ELK3: variants seen among roughly 807,000 people sequenced by gnomAD.
ELK3 encodes the protein ETS transcription factor ELK3.
ELK3 carries 10 observed loss-of-function variants against 28.9 expected under a neutral mutation model. The ratio of observed to expected loss-of-function variants is 0.35; its 90% CI spans 0.21 to 0.59. The LOEUF (loss-of-function observed/expected upper bound fraction) is 0.59, where lower values mean the gene tolerates loss of function less well. Ranked by LOEUF, ELK3 falls within the 20% of genes least tolerant of loss-of-function variation. ELK3 has a pLI of 0.82. For synonymous variants in ELK3, 272 were observed against 243.5 expected (o/e 1.12, Z -1.09); for missense variants, 463 against 517.3 (o/e 0.90, Z 1.02).
At chr12:96,250,310 C>G (rs891347769) in intron 3 of ELK3, among the ~76,000 whole-genome samples, 5 of 152,162 alleles carry the variant, frequency 3.3e-5, no homozygotes, top group Non-Finnish European at 5.9e-5. Context: ...AGGGAGACAC[C>G]AGAGGGGCCC....
chr12:96,234,115 G>A (rs1951762776), intron 2 of ELK3, among the ~76,000 whole-genome samples: 1 of 152,204 alleles, frequency 6.6e-6, no homozygotes, highest in African/African-American at 2.4e-5. Flanking sequence ...TGGTATCAGG[G>A]GACCAGGCTG....
chr12:96,254,806 T>A (rs2137038598), intron 3 of ELK3, among the ~76,000 whole-genome samples: 1 of 152,192 alleles, frequency 6.6e-6, no homozygotes. Flanking sequence ...TCCAGAGGGC[T>A]TCCTGGAGGG....
Position 96,267,912 on chromosome 12 carries a change from T to A in ELK3, c.*732T>A, listed in dbSNP as rs532134047. On this transcript the variant is annotated 3_prime_UTR_variant, in exon 5 of 5. Transcript: ENST00000228741. The stretch of plus-strand genomic sequence containing the variant: ...CTCCTTAGCTGTTTACAGTATCTTA[T>A]CTTTTAGATGCCTCCCAGACAAAAA... 5 of 152,604 alleles carry A rather than the reference T, an allele frequency of 3.3e-5. No individual in the cohort carries two copies. The South Asian group carries it at 1.0e-3, about 32-fold the overall frequency. 9.5% of individuals were successfully genotyped at this position (152,604 alleles called of 1,614,324 possible).
Position 96,267,418 on chromosome 12 carries a change from C to A in ELK3, c.*238C>A. 1 of 382,158 alleles carries A rather than the reference C, an allele frequency of 2.6e-6. No individual in the cohort carries two copies. The highest frequency in any genetic ancestry group is 5.5e-5 in the East Asian group (1 of 18,142). The allele number at this position is 382,158 out of a possible 1,614,324, so 23.7% of individuals were successfully genotyped here. A position where few individuals can be genotyped will look rare whatever the true frequency, so the allele number is the denominator to read the frequency against. ...ATTTTAATGTTTTTGTTTTTATATCCTTTTAGCTCTTAAGTGTTGAACACT... is the reference window on the plus strand; with the variant it reads ...ATTTTAATGTTTTTGTTTTTATATCATTTTAGCTCTTAAGTGTTGAACACT... On this transcript the variant is annotated 3_prime_UTR_variant, in exon 5 of 5. Transcript: ENST00000228741.
chr12:96,259,968 T>TC, intron 4 of ELK3, 115 bp downstream of exon 4: 1 of 1,371,826 alleles, frequency 7.3e-7, no homozygotes, highest in Non-Finnish European at 9.6e-7. Context: ...ATATTAAATG[T>TC]CCAGAGGGGG....
intron 4 of ELK3, among the ~76,000 whole-genome samples, chr12:96,262,065 C>G (rs71460335): frequency 0.054 from 7,811 of 145,302 alleles, 267 homozygotes; most frequent in Non-Finnish European, 0.064. Context: ...GTTGCCCAGG[C>G]TGGAGTGCAG....
chr12:96,235,288 CCTCT>C (rs1437459077), intron 2 of ELK3, among the ~76,000 whole-genome samples: 2 of 150,634 alleles, frequency 1.3e-5, no homozygotes, highest in East Asian at 4.0e-4. Context: ...CCTTCAGACT[CCTCT>C]CTCTGCCTCC....
At chr12:96,194,728 G>T (rs1044027959) in intron 1 of ELK3, 23 bp downstream of exon 1, 1 of 148,198 alleles carries the variant, frequency 6.7e-6, no homozygotes, top group Admixed American at 6.7e-5. Context: ...GCTTCTGCCT[G>T]TTGCTCGGAC....
chr12:96,208,791 A>G (rs1211568499), intron 1 of ELK3, among the ~76,000 whole-genome samples: 3 of 152,240 alleles, frequency 2.0e-5, no homozygotes, highest in Non-Finnish European at 4.4e-5. Context: ...AAGAGGCTCT[A>G]TAACTCTCTC....
intron 2 of ELK3, among the ~76,000 whole-genome samples, chr12:96,242,157 T>G (rs767491040): frequency 6.6e-6 from 1 of 152,188 alleles, no homozygotes; most frequent in African/African-American, 2.4e-5. Context: ...TTTCTAAATA[T>G]CCTCATCACT....
intron 2 of ELK3, among the ~76,000 whole-genome samples, chr12:96,246,006 C>G (rs1386632831): frequency 2.0e-5 from 3 of 152,008 alleles, no homozygotes; most frequent in African/African-American, 7.2e-5. Context: ...CTTCCAGTGG[C>G]TTTCTTGGCA....
chr12:96,217,248 C>T (rs533654945), intron 1 of ELK3, among the ~76,000 whole-genome samples: 1 of 152,288 alleles, frequency 6.6e-6, no homozygotes, highest in East Asian at 1.9e-4. Flanking sequence ...GAGACCTAGT[C>T]GAAAAGAAAA....
chr12:96,234,111 CAG>C (rs980226355), intron 2 of ELK3, among the ~76,000 whole-genome samples: 9 of 152,156 alleles, frequency 5.9e-5, no homozygotes, highest in Admixed American at 2.6e-4. Flanking sequence ...CAGCTGGTAT[CAG>C]GGGACCAGGC....
intron 1 of ELK3, among the ~76,000 whole-genome samples, chr12:96,212,551 A>G (rs1951585042): frequency 6.6e-6 from 1 of 152,172 alleles, no homozygotes; most frequent in African/African-American, 2.4e-5. Context: ...CAGGACTTCT[A>G]AATCTGTTTC....
At chr12:96,234,783 G>T (rs1277617964) in intron 2 of ELK3, among the ~76,000 whole-genome samples, 1 of 152,192 alleles carries the variant, frequency 6.6e-6, no homozygotes, top group Non-Finnish European at 1.5e-5. Flanking sequence ...TCAAGATGCA[G>T]CAGCAGGGCG....
At chr12:96,237,580 C>T (rs1951793313) in intron 2 of ELK3, among the ~76,000 whole-genome samples, 1 of 152,248 alleles carries the variant, frequency 6.6e-6, no homozygotes, top group Admixed American at 6.5e-5. Flanking sequence ...CTCCATTCCT[C>T]AGAGCCTGGC....
At chr12:96,223,346 C>G (rs558727978) in intron 1 of ELK3, among the ~76,000 whole-genome samples, 1 of 152,280 alleles carries the variant, frequency 6.6e-6, no homozygotes, top group African/African-American at 2.4e-5. Context: ...GATCACAGGG[C>G]CTCCCTGTAT....
At chr12:96,256,555 G>A (rs983320802) in intron 3 of ELK3, among the ~76,000 whole-genome samples, 15 of 152,204 alleles carry the variant, frequency 9.9e-5, no homozygotes, top group African/African-American at 3.6e-4. Context: ...GACCCAGCTA[G>A]AGCTGCAGAT....
intron 4 of ELK3, among the ~76,000 whole-genome samples, chr12:96,266,089 C>G (rs966946795): frequency 2.0e-5 from 3 of 152,172 alleles, no homozygotes; most frequent in South Asian, 4.1e-4. Context: ...ACAAAACTTA[C>G]GTTACAGCTC....
Sources: gnomAD v4.1 joint callset for allele counts (sites outside exome capture counted in the v4.1 genomes callset) on GRCh38, gnomAD v4.1.1 for gene constraint, MANE v1.5 for transcripts, NCBI Gene and HGNC (gene_info 2026-07-23, HGNC 2026-07-21) for gene names.